The following HCRTR2 variants were observed in gnomAD, a reference collection of about 807,000 sequenced individuals.
HCRTR2 encodes the protein hypocretin receptor 2.
In HCRTR2, 22 loss-of-function variants were observed where a neutral mutation model predicts 49.0. That is an observed-to-expected ratio of 0.45 (90% CI 0.32 to 0.64). HCRTR2 has a LOEUF of 0.64. Ranked by LOEUF, HCRTR2 falls within the 30% of genes least tolerant of loss-of-function variation. The pLI is 0.04. For synonymous variants in HCRTR2, 236 were observed against 205.3 expected, an observed-to-expected ratio of 1.15 and a Z score of -1.28; for missense variants, 491 against 559.4, an observed-to-expected ratio of 0.88 and a Z score of 1.23.
downstream of HCRTR2, among the ~76,000 whole-genome samples, chr6:55,284,251 GA>G (rs1178399694): frequency 6.6e-6 from 1 of 151,950 alleles, no homozygotes; most frequent in East Asian, 1.9e-4. Flanking sequence ...GGGAGAGAAG[GA>G]AAAAACTGAC....
At chr6:55,129,708 C>T (rs1483442851) in intron 1 of HCRTR2, among the ~76,000 whole-genome samples, 1 of 151,916 alleles carries the variant, frequency 6.6e-6, no homozygotes, top group Non-Finnish European at 1.5e-5. Context: ...ATCTGGTTCT[C>T]CTGATGCCAG....
At chr6:55,248,895 T>TA in intron 2 of HCRTR2, 78 bp downstream of exon 2, 1 of 1,176,836 alleles carries the variant, frequency 8.5e-7, no homozygotes, top group South Asian at 1.2e-5. Flanking sequence ...GTAAATTAAC[T>TA]AGTGAGTTGA....
chr6:55,281,555 C>T (rs1366926252), intron 6 of HCRTR2, among the ~76,000 whole-genome samples: 1 of 152,178 alleles, frequency 6.6e-6, no homozygotes, highest in African/African-American at 2.4e-5. Flanking sequence ...TAACTCAGTG[C>T]GTAGCTGAGG....
chr6:55,149,204 T>G, intron 1 of HCRTR2, among the ~76,000 whole-genome samples: 1 of 152,110 alleles, frequency 6.6e-6, no homozygotes, highest in Non-Finnish European at 1.5e-5. Context: ...CTCAACCAAA[T>G]ACAGTTTTGT....
chr6:55,254,009 C>T (rs1766602222), intron 2 of HCRTR2, among the ~76,000 whole-genome samples: 1 of 152,152 alleles, frequency 6.6e-6, no homozygotes, highest in South Asian at 2.1e-4. Flanking sequence ...CAAACCTGCT[C>T]ATGTACCCCT....
intron 4 of HCRTR2, among the ~76,000 whole-genome samples, chr6:55,274,330 T>C (rs1249609014): frequency 6.8e-6 from 1 of 147,954 alleles, no homozygotes; most frequent in Non-Finnish European, 1.5e-5. Flanking sequence ...GAAATATATA[T>C]ACTTATATAT....
chr6:55,162,506 A>G (rs1764820999), intron 1 of HCRTR2, among the ~76,000 whole-genome samples: 1 of 152,190 alleles, frequency 6.6e-6, no homozygotes, highest in South Asian at 2.1e-4. Context: ...GGCAAGAGAA[A>G]GAAATAGAAG....
intron 1 of HCRTR2, among the ~76,000 whole-genome samples, chr6:55,199,677 T>C (rs1765476304): frequency 6.6e-6 from 1 of 152,128 alleles, no homozygotes; most frequent in Non-Finnish European, 1.5e-5. Context: ...TTCAAAATAA[T>C]TACATTTGTT....
In HCRTR2 at chr6:55,263,838, T is replaced by C. The variant is rs533038813; in HGVS notation, c.762+16T>C. 7.3e-7 allele frequency: 1 copy of C among 1,372,098 alleles called. No individual in the cohort carries two copies. The highest frequency in any genetic ancestry group is 2.3e-5 in the East Asian group (1 of 43,542). 85.0% of individuals were successfully genotyped at this position (1,372,098 alleles called of 1,614,324 possible). A position where few individuals can be genotyped will look rare whatever the true frequency, so the allele number is the denominator to read the frequency against. ...GTGTCGACAGGTATATAGTTTCAAATATTTTGCGTGCATTATTCCTCCACA... is the reference window on the plus strand; with the variant it reads ...GTGTCGACAGGTATATAGTTTCAAACATTTTGCGTGCATTATTCCTCCACA... On this transcript the variant is annotated intron_variant, in intron 4 of 6. Transcript: ENST00000370862.
intron 1 of HCRTR2, among the ~76,000 whole-genome samples, chr6:55,247,811 G>C (rs973376774): frequency 3.9e-5 from 6 of 152,056 alleles, no homozygotes; most frequent in African/African-American, 1.4e-4. Flanking sequence ...AAATATGTTT[G>C]ATTGCTGGGT....
chr6:55,147,496 G>C (rs531504820), intron 1 of HCRTR2, among the ~76,000 whole-genome samples: 1 of 152,000 alleles, frequency 6.6e-6, no homozygotes, highest in Non-Finnish European at 1.5e-5. Flanking sequence ...TATGAAATAG[G>C]TACTGTTACT....
intron 1 of HCRTR2, among the ~76,000 whole-genome samples, chr6:55,121,777 A>G (rs964064695): frequency 1.3e-5 from 2 of 152,080 alleles, no homozygotes; most frequent in Admixed American, 6.6e-5. Context: ...TGATTGGTGT[A>G]TGTTGAACCA....
intron 4 of HCRTR2, among the ~76,000 whole-genome samples, chr6:55,268,871 A>G (rs533659082): frequency 6.6e-6 from 1 of 152,092 alleles, no homozygotes; most frequent in African/African-American, 2.4e-5. Context: ...CGGGTGGATC[A>G]CGAGGTCAGA....
chr6:55,243,063 A>G (rs1400631284), intron 1 of HCRTR2, among the ~76,000 whole-genome samples: 3 of 152,162 alleles, frequency 2.0e-5, no homozygotes, highest in East Asian at 3.8e-4. Flanking sequence ...CAGGAGCTAT[A>G]TATCATCAGA....
At chr6:55,226,975 A>G (rs1293045193) in intron 1 of HCRTR2, among the ~76,000 whole-genome samples, 2 of 152,124 alleles carry the variant, frequency 1.3e-5, no homozygotes, top group African/African-American at 4.8e-5. Flanking sequence ...AACTTTTCTT[A>G]TTTCAAATTT....
At chr6:55,185,234 C>G (rs558311017) in intron 1 of HCRTR2, among the ~76,000 whole-genome samples, 1 of 152,070 alleles carries the variant, frequency 6.6e-6, no homozygotes, top group Non-Finnish European at 1.5e-5. Context: ...AGGAAAATAA[C>G]TTCATAATTA....
chr6:55,145,260 C>T (rs1184161967), intron 1 of HCRTR2, among the ~76,000 whole-genome samples: 2 of 152,092 alleles, frequency 1.3e-5, no homozygotes, highest in East Asian at 1.9e-4. Flanking sequence ...ACAAGGTATC[C>T]CTTTACAAAA....
At chr6:55,221,558 A>T (rs903155602) in intron 1 of HCRTR2, among the ~76,000 whole-genome samples, 9 of 152,300 alleles carry the variant, frequency 5.9e-5, no homozygotes, top group African/African-American at 2.2e-4. Flanking sequence ...TCACGCCTGT[A>T]ATCCCAGCAC....
At chr6:55,142,363 A>ATTTTTTTTTT in intron 1 of HCRTR2, among the ~76,000 whole-genome samples, 1 of 127,680 alleles carries the variant, frequency 7.8e-6, no homozygotes, top group Non-Finnish European at 1.7e-5. Context: ...CGCCCTGTTA[A>ATTTTTTTTTT]TTTTTTTTTT....
Sources: allele counts gnomAD v4.1 joint callset (sites outside exome capture counted in the v4.1 genomes callset), GRCh38; gene constraint gnomAD v4.1.1; transcripts MANE v1.5; gene names NCBI Gene and HGNC (gene_info 2026-07-23, HGNC 2026-07-21).